GRM1: variants seen among roughly 807,000 people sequenced by gnomAD.
GRM1 encodes metabotropic glutamate receptor 1.
GRM1 carries 33 observed loss-of-function variants against 90.9 expected under a neutral mutation model. That is an observed-to-expected ratio of 0.36 (90% confidence interval 0.28 to 0.49). The LOEUF (loss-of-function observed/expected upper bound fraction) is 0.49. GRM1 is among the 20% of genes least tolerant of loss of function. The probability of loss-of-function intolerance (pLI) is 0.99; values close to 1 mark genes in which losing one functional copy is unlikely to be tolerated. For missense variants in GRM1, 1,190 were observed against 1,534.3 expected, an observed-to-expected ratio of 0.78 and a Z score of 3.75; for synonymous variants, 700 against 613.2, an observed-to-expected ratio of 1.14 and a Z score of -2.09.
chr6:146,355,397 T>A (rs1355310442), intron 4 of GRM1, among the ~76,000 whole-genome samples: 1 of 152,180 alleles, frequency 6.6e-6, no homozygotes, highest in Non-Finnish European at 1.5e-5. Context: ...TCTTTATCAG[T>A]CAAAAGTCAA....
chr6:146,402,959 A>G (rs1405696859), intron 7 of GRM1, among the ~76,000 whole-genome samples: 1 of 152,150 alleles, frequency 6.6e-6, no homozygotes, highest in African/African-American at 2.4e-5. Context: ...CCCTTCAGGC[A>G]TACTTGTATC....
chr6:146,231,695 T>C (rs557936574), intron 2 of GRM1, among the ~76,000 whole-genome samples: 19 of 152,244 alleles, frequency 1.2e-4, no homozygotes, highest in African/African-American at 4.6e-4. Context: ...TTTTGTGTGT[T>C]GATATGGTGA....
At chr6:146,229,410 G>T (rs1415756870) in intron 2 of GRM1, among the ~76,000 whole-genome samples, 1 of 149,110 alleles carries the variant, frequency 6.7e-6, no homozygotes, top group African/African-American at 2.5e-5. Flanking sequence ...TGTGCCTCTT[G>T]GAGCCATAGG....
At position 146,434,055 on chromosome 6, in the gene GRM1, T is replaced by A. The variant is rs1292336535; in HGVS notation, c.2844T>A (p.Asp948Glu). ...CTGGCAAGAGCCTGACCTTTTCAGA[T>A]ACCAGCACCAAGACCCTTTACAACG... ...QGSGKSLTFS[D>E]TSTKTLYNVE... Residue 948 changes from aspartate to glutamate, a missense_variant, in exon 8 of 8, where the codon GAT (aspartate) becomes GAA (glutamate). By Grantham distance (45) the Asp-to-Glu change is conservative (BLOSUM62 2). This residue lies in a region of GRM1 where 400 missense variants were observed against 360.8 expected (regional missense o/e 1.11). Transcript: ENST00000282753. 11 of 1,614,182 alleles carry A rather than the reference T, an allele frequency of 6.8e-6. No individual in the cohort carries two copies. The African/African-American group carries it at 8.0e-5, about 12-fold the overall frequency.
chr6:146,333,350 T>C (rs1784652276), intron 3 of GRM1, among the ~76,000 whole-genome samples: 1 of 152,106 alleles, frequency 6.6e-6, no homozygotes, highest in Admixed American at 6.6e-5. Context: ...CCTCAGGTGT[T>C]GATTCTTTTT....
intron 2 of GRM1, among the ~76,000 whole-genome samples, chr6:146,190,441 A>T (rs927275988): frequency 1.3e-5 from 2 of 152,118 alleles, no homozygotes; most frequent in African/African-American, 4.8e-5. Flanking sequence ...TAAGGGAAAA[A>T]AGTTTCACTA....
intron 7 of GRM1, among the ~76,000 whole-genome samples, chr6:146,427,366 C>T (rs1206172963): frequency 6.6e-6 from 1 of 152,104 alleles, no homozygotes; most frequent in Non-Finnish European, 1.5e-5. Flanking sequence ...TCGTTGTGCA[C>T]GGAGTCTGTG....
intron 1 of GRM1, among the ~76,000 whole-genome samples, chr6:146,056,736 G>A (rs1257346035): frequency 6.6e-6 from 1 of 152,060 alleles, no homozygotes; most frequent in East Asian, 1.9e-4. Flanking sequence ...TAACATTTTC[G>A]TTTTCACTGT....
rs188861072 is a variant in GRM1, at chr6:146,260,658, C to A, written c.951-43953C>A. Among the ~76,000 whole-genome samples the A allele has an allele frequency of 1.1e-3, 174 of 152,052 alleles. 1 individual carries two copies. The highest frequency in any genetic ancestry group is 4.3e-4 in the Non-Finnish European group (29 of 67,942). ...ATTTTTAATAGTAGCCATCCTAAAA[C>A]GTGTGAAGTTGTATCTCATCTCCGT... On this transcript the variant is annotated intron_variant, in intron 2 of 7. Coordinates refer to ENST00000282753, the MANE Select transcript of GRM1 (RefSeq NM_001278064.2).
intron 2 of GRM1, among the ~76,000 whole-genome samples, chr6:146,230,355 C>A (rs531215880): frequency 4.0e-4 from 61 of 152,182 alleles, no homozygotes; most frequent in African/African-American, 1.4e-3. Context: ...GGGCCAAAGG[C>A]CTTCATAGTC....
At chr6:146,207,903 A>G (rs1348256850) in intron 2 of GRM1, among the ~76,000 whole-genome samples, 2 of 152,212 alleles carry the variant, frequency 1.3e-5, no homozygotes, top group African/African-American at 4.8e-5. Flanking sequence ...CACCTAGTAC[A>G]TTCCATTCTT....
chr6:146,098,709 G>T (rs1206268821), intron 1 of GRM1, among the ~76,000 whole-genome samples: 8 of 151,838 alleles, frequency 5.3e-5, no homozygotes. Context: ...CTTGGTGGGA[G>T]GTAATTTAAC....
At chr6:146,418,037 T>C (rs1458444585) in intron 7 of GRM1, among the ~76,000 whole-genome samples, 1 of 152,164 alleles carries the variant, frequency 6.6e-6, no homozygotes, top group Non-Finnish European at 1.5e-5. Context: ...TTAAAATGTA[T>C]GTACAGTTAA....
chr6:146,032,638 C>T (rs1402933317), intron 1 of GRM1, among the ~76,000 whole-genome samples: 3 of 152,138 alleles, frequency 2.0e-5, no homozygotes, highest in African/African-American at 2.4e-5. Context: ...TTGTCTCTGT[C>T]GTCTGAGCAC....
chr6:146,357,426 C>T, intron 4 of GRM1, 100 bp from the exon 5 acceptor site: 1 of 958,572 alleles, frequency 1.0e-6, no homozygotes, highest in Non-Finnish European at 1.7e-6. Flanking sequence ...TAAGATGATT[C>T]TAGCTTTCTC....
intron 2 of GRM1, among the ~76,000 whole-genome samples, chr6:146,243,794 A>G (rs531359458): frequency 6.6e-6 from 1 of 152,134 alleles, no homozygotes; most frequent in Non-Finnish European, 1.5e-5. Flanking sequence ...GAATGTCCTC[A>G]TCCTAATAAG....
At chr6:146,268,543 C>T (rs1290891067) in intron 2 of GRM1, among the ~76,000 whole-genome samples, 2 of 152,116 alleles carry the variant, frequency 1.3e-5, no homozygotes, top group African/African-American at 4.8e-5. Flanking sequence ...TAGTATTAGG[C>T]ACCCAGTAAG....
intron 3 of GRM1, among the ~76,000 whole-genome samples, chr6:146,352,006 GA>G (rs1785427381): frequency 6.6e-6 from 1 of 152,120 alleles, no homozygotes; most frequent in African/African-American, 2.4e-5. Flanking sequence ...CGCCTCTGTG[GA>G]GTTTGTTTTA....
chr6:146,152,979 G>A (rs1022679982), intron 1 of GRM1, among the ~76,000 whole-genome samples: 2 of 152,156 alleles, frequency 1.3e-5, no homozygotes, highest in Admixed American at 1.3e-4. Context: ...GCCAGCAAAA[G>A]CAGGAAGAAG....
Sources: allele counts gnomAD v4.1 joint callset (sites outside exome capture counted in the v4.1 genomes callset), GRCh38; gene constraint gnomAD v4.1.1; regional missense constraint gnomAD v4.1.1; transcripts MANE v1.5; gene names NCBI Gene and HGNC (gene_info 2026-07-23, HGNC 2026-07-21).